CSTA: variants seen among roughly 807,000 people sequenced by gnomAD.
CSTA encodes cystatin-A.
CSTA carries 9 observed loss-of-function variants against 9.2 expected under a neutral mutation model. The ratio of observed to expected loss-of-function variants is 0.97; its 90% confidence interval spans 0.59 to 1.70. CSTA has a LOEUF of 1.70. Among genes scored for constraint, CSTA ranks in the 40% most tolerant of loss-of-function variants. CSTA has a pLI of 0.00. For missense variants in CSTA, 118 were observed against 113.1 expected (o/e 1.04, Z -0.20); for synonymous variants, 36 against 40.6 (o/e 0.89, Z 0.43).
intron 1 of CSTA, among the ~76,000 whole-genome samples, chr3:122,329,708 T>C (rs1245443527): frequency 6.6e-6 from 1 of 152,260 alleles, no homozygotes; most frequent in Non-Finnish European, 1.5e-5. Flanking sequence ...ATATGGCCCC[T>C]GGCCTCTAGG....
chr3:122,340,798 G>A (rs1002455324), intron 2 of CSTA, among the ~76,000 whole-genome samples: 1 of 152,130 alleles, frequency 6.6e-6, no homozygotes, highest in Non-Finnish European at 1.5e-5. Context: ...TCAGAAAACA[G>A]TATCACCAAA....
chr3:122,341,322 T>A (rs2075264104), intron 2 of CSTA, 117 bp from the exon 3 acceptor site: 1 of 1,041,424 alleles, frequency 9.6e-7, no homozygotes, highest in South Asian at 1.3e-5. Flanking sequence ...GGTCTAGCAA[T>A]GCTGTTCCTC....
intron 1 of CSTA, among the ~76,000 whole-genome samples, chr3:122,334,268 T>C (rs2075224354): frequency 6.6e-6 from 1 of 152,160 alleles, no homozygotes; most frequent in South Asian, 2.1e-4. Context: ...CCGTGGAGTG[T>C]TTGGCCTTTC....
chr3:122,335,009 C>G (rs375765388), intron 1 of CSTA, among the ~76,000 whole-genome samples: 1 of 152,124 alleles, frequency 6.6e-6, no homozygotes, highest in Admixed American at 6.5e-5. Flanking sequence ...TCCTCCACCC[C>G]GGCAGAAGAC....
intron 1 of CSTA, among the ~76,000 whole-genome samples, chr3:122,328,225 G>C (rs2075181585): frequency 6.6e-6 from 1 of 152,212 alleles, no homozygotes; most frequent in Non-Finnish European, 1.5e-5. Flanking sequence ...ATTAAACTGG[G>C]CATGGTGGCT....
At chr3:122,329,097 G>C (rs1045474218) in intron 1 of CSTA, among the ~76,000 whole-genome samples, 6 of 151,040 alleles carry the variant, frequency 4.0e-5, no homozygotes, top group South Asian at 2.1e-4. Flanking sequence ...CCCCGAGTAG[G>C]TGGGACTACA....
intron 1 of CSTA, among the ~76,000 whole-genome samples, chr3:122,332,228 C>T (rs1205563593): frequency 2.0e-5 from 3 of 152,194 alleles, no homozygotes; most frequent in African/African-American, 7.2e-5. Flanking sequence ...TGCTGGATCT[C>T]ATTCCTCCCT....
intron 2 of CSTA, among the ~76,000 whole-genome samples, chr3:122,339,438 G>T (rs1217322542): frequency 6.6e-6 from 1 of 152,156 alleles, no homozygotes; most frequent in Non-Finnish European, 1.5e-5. Context: ...GTTCCAGGGT[G>T]GTGAAGAAAC....
chr3:122,326,154 G>C (rs961329212), intron 1 of CSTA, among the ~76,000 whole-genome samples: 3 of 152,140 alleles, frequency 2.0e-5, no homozygotes, highest in Admixed American at 6.5e-5. Flanking sequence ...GAGTAGCTGG[G>C]ATTACAGACA....
chr3:122,330,405 G>T (rs2075197406), intron 1 of CSTA, among the ~76,000 whole-genome samples: 1 of 152,154 alleles, frequency 6.6e-6, no homozygotes, highest in South Asian at 2.1e-4. Flanking sequence ...CATAGAAAAG[G>T]GAAGAGTGTC....
intron 1 of CSTA, among the ~76,000 whole-genome samples, chr3:122,334,709 T>A (rs1211229169): frequency 6.6e-6 from 1 of 151,996 alleles, no homozygotes; most frequent in Non-Finnish European, 1.5e-5. Flanking sequence ...TCCACAGACA[T>A]AAAGACAACA....
At chr3:122,328,422 C>T (rs1314604723) in intron 1 of CSTA, among the ~76,000 whole-genome samples, 1 of 151,160 alleles carries the variant, frequency 6.6e-6, no homozygotes, top group Non-Finnish European at 1.5e-5. Context: ...ATCACTTGAA[C>T]CCGGGAGGCG....
chr3:122,335,902 G>A (rs1266505506), intron 1 of CSTA, among the ~76,000 whole-genome samples: 6 of 151,632 alleles, frequency 4.0e-5, no homozygotes, highest in Non-Finnish European at 7.4e-5. Context: ...AAAGTGCTGG[G>A]ATTACAGGCA....
At chr3:122,331,971 C>T (rs1202688111) in intron 1 of CSTA, among the ~76,000 whole-genome samples, 1 of 152,210 alleles carries the variant, frequency 6.6e-6, no homozygotes, top group African/African-American at 2.4e-5. Flanking sequence ...GAGCACGCAA[C>T]CTTGATCCTT....
intron 1 of CSTA, 103 bp downstream of exon 1, chr3:122,325,461 T>A: frequency 1.8e-6 from 2 of 1,133,608 alleles, no homozygotes; most frequent in Non-Finnish European, 1.3e-6. Flanking sequence ...AAGTTTAGGA[T>A]GTTTGTGGCT....
Position 122,341,649 on chromosome 3 carries a change from G to A in CSTA, c.*82G>A. 6.7e-7 allele frequency: 1 copy of A among 1,501,484 alleles called. No individual in the cohort carries two copies. The highest frequency in any genetic ancestry group is 1.4e-5 in the African/African-American group (1 of 72,170). 93.0% of individuals were successfully genotyped at this position (1,501,484 alleles called of 1,614,324 possible). A position where few individuals can be genotyped will look rare whatever the true frequency, so the allele number is the denominator to read the frequency against. ...GCTGATAAATATAACCATCAATAAA[G>A]AAGCATTCTTTTCCAAAGAAATTAT... is the stretch of plus-strand genomic sequence containing the variant. On this transcript the variant is annotated 3_prime_UTR_variant, in exon 3 of 3. Transcript: ENST00000264474.
intron 1 of CSTA, among the ~76,000 whole-genome samples, chr3:122,331,811 G>T (rs912122925): frequency 1.3e-5 from 2 of 152,134 alleles, no homozygotes; most frequent in Non-Finnish European, 2.9e-5. Flanking sequence ...CCTCCAGCAG[G>T]ATGTCTCAGT....
intron 2 of CSTA, among the ~76,000 whole-genome samples, chr3:122,340,228 C>T (rs779465552): frequency 6.6e-6 from 1 of 152,124 alleles, no homozygotes; most frequent in Non-Finnish European, 1.5e-5. Flanking sequence ...TTTTCCAGGT[C>T]TCAGATTCAT....
intron 1 of CSTA, among the ~76,000 whole-genome samples, chr3:122,333,771 A>G (rs748293216): frequency 1.4e-4 from 21 of 152,204 alleles, no homozygotes; most frequent in Admixed American, 3.3e-4. Context: ...TGGTTGGCTT[A>G]GGATACGTGC....
Sources: gnomAD v4.1 joint callset for allele counts (sites outside exome capture counted in the v4.1 genomes callset) on GRCh38, gnomAD v4.1.1 for gene constraint, MANE v1.5 for transcripts, NCBI Gene and HGNC (gene_info 2026-07-23, HGNC 2026-07-21) for gene names.